Variants in TRPA1 observed in about 807,000 individuals in gnomAD.
The protein encoded by TRPA1 is ankyrin-like with transmembrane domains 1.
A neutral mutation model predicts 131.3 loss-of-function variants in TRPA1; 129 were observed. The observed-to-expected ratio is 0.98, with a 90% confidence interval of 0.85 to 1.14. TRPA1 has a LOEUF of 1.14. Among genes scored for constraint, TRPA1 ranks in the 50% most tolerant of loss-of-function variants. TRPA1 has a pLI of 0.00. For missense variants in TRPA1, 1,304 were observed against 1,354.2 expected, an observed-to-expected ratio of 0.96 and a Z score of 0.58; for synonymous variants, 441 against 451.7, an observed-to-expected ratio of 0.98 and a Z score of 0.30.
chr8:72,034,213 A>G (rs1585844723), intron 22 of TRPA1, 35 bp downstream of exon 22: 2 of 1,580,138 alleles, frequency 1.3e-6, no homozygotes, highest in Non-Finnish European at 1.7e-6. Context: ...CATAATTCAC[A>G]GCGACAAAAT....
intron 10 of TRPA1, 161 bp from the exon 11 acceptor site, chr8:72,056,016 T>C (rs1418338985): frequency 3.0e-6 from 2 of 671,456 alleles, no homozygotes; most frequent in East Asian, 2.7e-5. Flanking sequence ...AATATAAATA[T>C]GAATGAAGTT....
intron 25 of TRPA1, among the ~76,000 whole-genome samples, chr8:72,025,557 A>G (rs1811570450): frequency 6.6e-6 from 1 of 152,122 alleles, no homozygotes; most frequent in Admixed American, 6.5e-5. Flanking sequence ...TGTGTTCTTT[A>G]TTGTGTATTC....
At chr8:72,052,317 G>T (rs1416602529) in intron 14 of TRPA1, among the ~76,000 whole-genome samples, 7 of 152,190 alleles carry the variant, frequency 4.6e-5, no homozygotes, top group Non-Finnish European at 1.5e-5. Flanking sequence ...AGCTACTCAG[G>T]AGGCTGAGGC....
chr8:72,053,767 G>A lies in TRPA1; in HGVS notation c.1630C>T (p.Leu544=), dbSNP rs3735943. 820,426 of 1,609,828 alleles carry A rather than the reference G, an allele frequency of 0.51. 212,152 individuals are homozygous for A. Among genetic ancestry groups the A allele is most frequent in the Admixed American group, 0.7 (42,030 of 59,818 alleles). ...LDTNLKCTDR[L]DEDGNTALHF... is the part of the protein sequence containing the mutation. ...GCAGTACATACCCCGTCTTCATCCA[G>A]GCGATCTGTGCACTTCAAATTAGTA... Residue 544 remains leucine, a synonymous_variant, in exon 13 of 27, where the codon CTG becomes TTG. Coordinates refer to ENST00000262209, the MANE Select transcript of TRPA1 (RefSeq NM_007332.3).
intron 22 of TRPA1, 145 bp from the exon 23 acceptor site, chr8:72,033,971 T>G (rs377411878): frequency 6.0e-6 from 5 of 834,456 alleles, no homozygotes; most frequent in Middle Eastern, 4.5e-4. Flanking sequence ...TGATAAAATA[T>G]AGTAAACATG....
At position 72,075,350 on chromosome 8, in the gene TRPA1, A is replaced by C. The variant is rs1195078262; in HGVS notation, c.60T>G (p.Val20=). 2 of 1,612,940 alleles carry C rather than the reference A, an allele frequency of 1.2e-6. No individual in the cohort carries two copies. Among genetic ancestry groups the C allele is most frequent in the African/African-American group, 1.3e-5 (1 of 74,984 alleles). ...RPGEKKEPQG[V]VYEDVPDDTE... Reference sequence around the variant, plus strand: ...TGTCGTCCGGCACATCCTCATAGACAACGCCCTGGGGCTCCTTCTTTTCTC... The same window carrying C: ...TGTCGTCCGGCACATCCTCATAGACCACGCCCTGGGGCTCCTTCTTTTCTC... The change falls in exon 1 of 27, where the codon GTT becomes GTG. Residue 20 remains valine (V), a synonymous_variant. Transcript: ENST00000262209.
chr8:72,052,591 C>T lies in TRPA1; in HGVS notation c.1811+8G>A, dbSNP rs777557774. On this transcript the variant is annotated splice_region_variant and intron_variant, in intron 14 of 26. Transcript: ENST00000262209. Reference sequence around the variant, plus strand: ...CACTAAATGACAGTGGACAGGAAGACAGTGTACCTTTTGCTCCTGATGATC... The same window carrying T: ...CACTAAATGACAGTGGACAGGAAGATAGTGTACCTTTTGCTCCTGATGATC... 1 of 1,613,364 alleles carries T rather than the reference C, an allele frequency of 6.2e-7. No individual in the cohort carries two copies.
intron 17 of TRPA1, among the ~76,000 whole-genome samples, chr8:72,041,707 A>G (rs1014176253): frequency 2.6e-5 from 4 of 151,958 alleles, no homozygotes; most frequent in African/African-American, 9.7e-5. Context: ...AGGTACAACT[A>G]AAGCAATACT....
Position 72,062,937 on chromosome 8 carries a change from C to T in TRPA1, c.669G>A (p.Glu223=), listed in dbSNP as rs1433769994. 1 of 1,613,638 alleles carries T rather than the reference C, an allele frequency of 6.2e-7. No homozygotes were observed. Among genetic ancestry groups the T allele is most frequent in the South Asian group, 1.1e-5 (1 of 91,036 alleles). The stretch of plus-strand genomic sequence containing the variant: ...TGTGCAACTGTCTACTGTACCCATG[C>T]TCTTCACCTTGAGAAGAAAATAACA... ...CMEIILRFGE[E]HGYSRQLHIN... Residue 223 remains glutamate (E), a synonymous_variant, in exon 6 of 27, where the codon GAG becomes GAA. Transcript: ENST00000262209.
chr8:72,055,340 TAA>T, intron 12 of TRPA1, 94 bp downstream of exon 12: 1 of 1,038,680 alleles, frequency 9.6e-7, no homozygotes, highest in East Asian at 2.5e-5. Context: ...TAGTGAGATA[TAA>T]AGTTAGACCT....
chr8:72,023,202 G>A lies in TRPA1; in HGVS notation c.3150-86C>T, dbSNP rs1057159126. On this transcript the variant is annotated intron_variant, in intron 26 of 26. Transcript: ENST00000262209. ...GTAGGAAGGCATAGGTTTTAACCTCGGTCCCTTCTGAATGTAGGAACGCAT... is the reference window on the plus strand; with the variant it reads ...GTAGGAAGGCATAGGTTTTAACCTCAGTCCCTTCTGAATGTAGGAACGCAT... 3.7e-5 allele frequency: 15 copies of A among 410,020 alleles called. No individual in the cohort carries two copies. In the African/African-American group the frequency reaches 5.9e-4, roughly 16 times the overall value. The allele number at this position is 410,020 out of a possible 1,614,324, so 25.4% of individuals were successfully genotyped here.
At chr8:72,073,738 A>G (rs926207133) in intron 1 of TRPA1, among the ~76,000 whole-genome samples, 8 of 152,246 alleles carry the variant, frequency 5.3e-5, no homozygotes, top group African/African-American at 1.9e-4. Flanking sequence ...AAATATCGCT[A>G]GAAAATAAAA....
chr8:72,033,804 A>G lies in TRPA1; in HGVS notation c.2708T>C (p.Leu903Pro). 2 of 1,614,072 alleles carry G rather than the reference A, an allele frequency of 1.2e-6. No individual in the cohort carries two copies. The highest frequency in any genetic ancestry group is 1.3e-5 in the African/African-American group (1 of 75,064). ...CATGCTGAAGGTCTGGATTATAGAA[A>G]GCAATGGAGAGCTGAAGGGATCCTG... Reference protein sequence around the residue: ...NLQDPFSSPLLSIIQTFSMML... With the variant: ...NLQDPFSSPLPSIIQTFSMML... Residue 903 changes from leucine (L) to proline (P), a missense_variant, in exon 23 of 27, where the codon CTT becomes CCT. Physicochemically the swap from Leu to Pro is moderately conservative, Grantham distance 98. Coordinates refer to ENST00000262209, the MANE Select transcript of TRPA1 (RefSeq NM_007332.3).
chr8:72,047,754 G>C (rs2129434729), intron 15 of TRPA1, among the ~76,000 whole-genome samples: 1 of 151,978 alleles, frequency 6.6e-6, no homozygotes, highest in South Asian at 2.1e-4. Flanking sequence ...AATGAATTTT[G>C]TATCTACACT....
chr8:72,061,095 C>T (rs1805797726), intron 7 of TRPA1, among the ~76,000 whole-genome samples: 1 of 152,152 alleles, frequency 6.6e-6, no homozygotes, highest in Non-Finnish European at 1.5e-5. Flanking sequence ...GCTTAATACA[C>T]TTTGCCTGAT....
chr8:72,033,745 G>A lies in TRPA1; in HGVS notation c.2767C>T (p.Leu923=), dbSNP rs1158434530. 27 of 1,613,892 alleles carry A rather than the reference G, an allele frequency of 1.7e-5. No individual in the cohort carries two copies. The highest frequency in any genetic ancestry group is 2.7e-5 in the African/African-American group (2 of 74,912). ...AATTCATTTCTCAGATATGGTTCTA[G>A]GAAGGACTCTCGATAATTGATATCT... The part of the protein sequence containing the change: ...LGDINYRESF[L]EPYLRNELAH... Residue 923 remains leucine, a synonymous_variant, in exon 23 of 27, where the codon CTA becomes TTA. Coordinates refer to ENST00000262209, the MANE Select transcript of TRPA1 (RefSeq NM_007332.3).
chr8:72,086,171 G>A, the TRPA1 span, among the ~76,000 whole-genome samples: 1 of 152,160 alleles, frequency 6.6e-6, no homozygotes, highest in African/African-American at 2.4e-5. Context: ...AAAGTGCTAG[G>A]ATTACAGGCG....
At chr8:72,064,601 A>T (rs16937960) in intron 4 of TRPA1, among the ~76,000 whole-genome samples, 1 of 151,770 alleles carries the variant, frequency 6.6e-6, no homozygotes, top group Admixed American at 6.6e-5. Context: ...CTCTAAGTCC[A>T]TCTAGTAAAG....
intron 7 of TRPA1, among the ~76,000 whole-genome samples, chr8:72,060,979 C>A (rs981426187): frequency 2.0e-5 from 3 of 151,656 alleles, no homozygotes; most frequent in African/African-American, 7.3e-5. Context: ...TGGAAGAGAC[C>A]AAGAGAGTGA....
Sources: allele counts gnomAD v4.1 joint callset (sites outside exome capture counted in the v4.1 genomes callset), GRCh38; gene constraint gnomAD v4.1.1; transcripts MANE v1.5; gene names NCBI Gene and HGNC (gene_info 2026-07-23, HGNC 2026-07-21).